The following EPN2 variants were observed in gnomAD, a reference collection of about 807,000 sequenced individuals.
EPN2 encodes the protein epsin 2.
EPN2 carries 34 observed loss-of-function variants against 61.7 expected under a neutral mutation model. The observed-to-expected ratio is 0.55, with a 90% confidence interval of 0.42 to 0.73. The LOEUF (loss-of-function observed/expected upper bound fraction) is 0.73, where lower values mean the gene tolerates loss of function less well. EPN2 is among the 30% of genes least tolerant of loss of function. The pLI, the probability that EPN2 is intolerant of heterozygous loss-of-function variation, is 0.00. For synonymous variants in EPN2, 349 were observed against 353.6 expected (o/e 0.99, Z 0.15); for missense variants, 714 against 839.2 (o/e 0.85, Z 1.84).
At position 19,334,035 on chromosome 17, in the gene EPN2, G is replaced by A. The variant is rs1436362449; in HGVS notation, c.1707G>A (p.Gly569=). ...CGCTGACACTGAACCAGCTTCGGGG[G>A]AGCCCAGTCCTGGGGACCAGCACAT... is the stretch of plus-strand genomic sequence containing the variant. The part of the protein sequence containing the change: ...PQPLTLNQLR[G]SPVLGTSTSF... Residue 569 remains glycine (G), a synonymous_variant, in exon 11 of 11, where the codon GGG becomes GGA. Coordinates refer to ENST00000314728, the MANE Select transcript of EPN2 (RefSeq NM_014964.5). The surrounding 1 kb of genome is among the most constrained non-coding windows in gnomAD (Gnocchi z 4.9). 1 of 1,604,730 alleles carries A rather than the reference G, an allele frequency of 6.2e-7. No individual in the cohort carries two copies.
chr17:19,239,982 CTT>C (rs11407047), intron 1 of EPN2, among the ~76,000 whole-genome samples: 4 of 144,814 alleles, frequency 2.8e-5, no homozygotes, highest in Admixed American at 2.1e-4. Context: ...AGTTTTCGGA[CTT>C]TTTTTTTTTT....
chr17:19,270,222 A>T (rs1443938034), intron 1 of EPN2, among the ~76,000 whole-genome samples: 1 of 152,216 alleles, frequency 6.6e-6, no homozygotes, highest in African/African-American at 2.4e-5. Flanking sequence ...GTTAGTATTC[A>T]CTAGCCTCTT....
At chr17:19,271,932 C>T (rs76147626) in intron 1 of EPN2, among the ~76,000 whole-genome samples, 1,880 of 152,364 alleles carry the variant, frequency 0.012, 26 homozygotes, top group Middle Eastern at 0.02. Context: ...TCCACACTCT[C>T]GCAGGCTCCT....
chr17:19,307,690 T>A (rs1276643731), intron 4 of EPN2, among the ~76,000 whole-genome samples: 1 of 152,204 alleles, frequency 6.6e-6, no homozygotes, highest in Admixed American at 6.5e-5. Context: ...TTTTTAAGAA[T>A]TTCATGACAG....
In EPN2 at chr17:19,290,720, A is replaced by AAAAAAAAAAAAAAAAG. The variant is rs1555600084; in HGVS notation, c.766+4935_766+4936insAAAAAAAAAAGAAAAA. Among the ~76,000 whole-genome samples, 16 of 105,568 alleles carry AAAAAAAAAAAAAAAAG rather than the reference A, an allele frequency of 1.5e-4. 1 individual carries two copies. Among genetic ancestry groups the AAAAAAAAAAAAAAAAG allele is most frequent in the South Asian group, 2.7e-4 (1 of 3,642 alleles). 69.3% of individuals were successfully genotyped at this position (105,568 alleles called of 152,430 possible). ...GTTCTCAAAAAAAAAAAAAAAGAAAAAAAAAGAAAAAGGAAGGCAGGCAGA... is the reference window on the plus strand; with the variant it reads ...GTTCTCAAAAAAAAAAAAAAAGAAAAAAAAAAAAAAAAAAAGAAAAAGAAAAAGGAAGGCAGGCAGA... On this transcript the variant is annotated intron_variant, in intron 4 of 10. Coordinates refer to ENST00000314728, the MANE Select transcript of EPN2 (RefSeq NM_014964.5).
rs558653462 is a variant in EPN2 at position 19,301,057 on chromosome 17, C to T, written c.767-8828C>T. Among the ~76,000 whole-genome samples, 64 of 152,182 alleles carry T rather than the reference C, an allele frequency of 4.2e-4. 1 individual carries two copies. In the South Asian group the frequency reaches 0.013, roughly 31 times the overall value. On this transcript the variant is annotated intron_variant, in intron 4 of 10. Transcript: ENST00000314728. Reference sequence around the variant, plus strand: ...CAGCATACACAGTGTGAGGGAGCAGCGGGCAAGCAAAGGCTCGAGGCAGGA... The same window carrying T: ...CAGCATACACAGTGTGAGGGAGCAGTGGGCAAGCAAAGGCTCGAGGCAGGA...
intron 7 of EPN2, among the ~76,000 whole-genome samples, chr17:19,315,010 C>T (rs570146222): frequency 5.9e-5 from 9 of 152,348 alleles, no homozygotes; most frequent in African/African-American, 1.9e-4. Context: ...AAAGTGGTCA[C>T]ACCAGGAGCC....
At chr17:19,300,532 G>C (rs11867709) in intron 4 of EPN2, among the ~76,000 whole-genome samples, 11,754 of 150,228 alleles carry the variant, frequency 0.078, 1,578 homozygotes, top group African/African-American at 0.27. Context: ...GGGTTCAGGC[G>C]ATTCTCCTGC....
chr17:19,310,427 C>T (rs1475940161), intron 5 of EPN2, among the ~76,000 whole-genome samples: 1 of 152,028 alleles, frequency 6.6e-6, no homozygotes, highest in African/African-American at 2.4e-5. Context: ...AAGAGATTTG[C>T]AAAAAACAAA....
At position 19,283,822 on chromosome 17, in the gene EPN2, C is replaced by A; in HGVS notation, c.595+108C>A. 1 of 815,846 alleles carries A rather than the reference C, an allele frequency of 1.2e-6. No homozygotes were observed. Among genetic ancestry groups the A allele is most frequent in the Non-Finnish European group, 1.9e-6 (1 of 533,416 alleles). The allele number at this position is 815,846 out of a possible 1,614,324, so 50.5% of individuals were successfully genotyped here. A position where few individuals can be genotyped will look rare whatever the true frequency, so the allele number is the denominator to read the frequency against. On this transcript the variant is annotated intron_variant, in intron 3 of 10. Coordinates refer to ENST00000314728, the MANE Select transcript of EPN2 (RefSeq NM_014964.5). The surrounding 1 kb of genome is among the most constrained non-coding windows in gnomAD (Gnocchi z 7.0). ...AGTGGTGGCCACTGCAGAGCTCGAA[C>A]CTGTCCTCAGTACCCAGCTTTTGGT...
intron 4 of EPN2, among the ~76,000 whole-genome samples, chr17:19,300,359 G>A (rs972239362): frequency 1.3e-5 from 2 of 151,776 alleles, no homozygotes; most frequent in East Asian, 1.9e-4. Flanking sequence ...TAACATTAAG[G>A]TAGTTTGACC....
At chr17:19,301,364 G>A (rs966314251) in intron 4 of EPN2, among the ~76,000 whole-genome samples, 3 of 152,100 alleles carry the variant, frequency 2.0e-5, no homozygotes, top group African/African-American at 4.8e-5. Context: ...CTTTACGGGG[G>A]ACCCAGTTCT....
chr17:19,269,012 G>A lies in EPN2; in HGVS notation c.-293-12943G>A, dbSNP rs554275192. The stretch of plus-strand genomic sequence containing the variant: ...AGGTGGGGAGAGGGAAGTGAGGGGA[G>A]CCAGGTGGCTGGACATGGTGGTCAT... On this transcript the variant is annotated intron_variant, in intron 1 of 10. Transcript: ENST00000314728. Among the ~76,000 whole-genome samples the A allele has an allele frequency of 3.3e-5, 5 of 152,330 alleles. No individual in the cohort carries two copies. The South Asian group carries it at 1.0e-3, about 32-fold the overall frequency.
At chr17:19,300,796 C>T (rs543673116) in intron 4 of EPN2, among the ~76,000 whole-genome samples, 1 of 152,232 alleles carries the variant, frequency 6.6e-6, no homozygotes, top group Non-Finnish European at 1.5e-5. Flanking sequence ...AATTAGCCTC[C>T]AAGATGGAGC....
intron 1 of EPN2, among the ~76,000 whole-genome samples, chr17:19,248,099 T>C (rs2044972697): frequency 1.3e-5 from 2 of 151,884 alleles, no homozygotes; most frequent in Admixed American, 6.6e-5. Context: ...GTGTCAGGGA[T>C]TGGAAGGGGA....
intron 4 of EPN2, among the ~76,000 whole-genome samples, chr17:19,298,267 T>C (rs2045540309): frequency 6.6e-6 from 1 of 152,204 alleles, no homozygotes; most frequent in Non-Finnish European, 1.5e-5. Context: ...CGATTTCTGC[T>C]CACTGCAACC....
intron 4 of EPN2, among the ~76,000 whole-genome samples, chr17:19,290,700 C>CAAAAAAAAAAAA (rs757256478): frequency 9.8e-5 from 4 of 41,004 alleles, no homozygotes; most frequent in Admixed American, 2.3e-4. Flanking sequence ...TTCCCGTTCT[C>CAAAAAAAAAAAA]AAAAAAAAAA....
chr17:19,303,599 G>A (rs1164942072), intron 4 of EPN2, among the ~76,000 whole-genome samples: 1 of 152,170 alleles, frequency 6.6e-6, no homozygotes, highest in African/African-American at 2.4e-5. Flanking sequence ...ATAGATGGGG[G>A]TATGACGTCA....
rs144666636 is a variant in EPN2 at position 19,313,004 on chromosome 17, T to C, written c.973-101T>C. 2.0e-3 allele frequency: 2,518 copies of C among 1,288,208 alleles called. 2 individuals are homozygous for C. The highest frequency in any genetic ancestry group is 2.6e-3 in the Non-Finnish European group (2,411 of 925,574). 79.8% of individuals were successfully genotyped at this position (1,288,208 alleles called of 1,614,324 possible). Reference sequence around the variant, plus strand: ...CTCAGCCCCTCCTAGAGGGCTTCACTGGAGGAAGAGGCACAGGTGGGTGAT... The same window carrying C: ...CTCAGCCCCTCCTAGAGGGCTTCACCGGAGGAAGAGGCACAGGTGGGTGAT... On this transcript the variant is annotated intron_variant, in intron 6 of 10. Coordinates refer to ENST00000314728, the MANE Select transcript of EPN2 (RefSeq NM_014964.5).
Sources: gnomAD v4.1 joint callset for allele counts (sites outside exome capture counted in the v4.1 genomes callset) on GRCh38, gnomAD v4.1.1 for gene constraint, Gnocchi (gnomAD v3.1) non-coding constraint, MANE v1.5 for transcripts, NCBI Gene and HGNC (gene_info 2026-07-23, HGNC 2026-07-21) for gene names.